SCARA5: variants seen among roughly 807,000 people sequenced by gnomAD.
SCARA5 encodes scavenger receptor class A member 5.
Under a neutral mutation model 46.3 loss-of-function variants are expected in SCARA5, and 45 were observed. That is an observed-to-expected ratio of 0.97 (90% CI 0.76 to 1.24). The LOEUF (loss-of-function observed/expected upper bound fraction) is 1.24, where lower values mean the gene tolerates loss of function less well. SCARA5 is among the 50% of genes most tolerant of loss of function. The probability of loss-of-function intolerance (pLI) is 0.00; values close to 1 mark genes in which losing one functional copy is unlikely to be tolerated. For synonymous variants in SCARA5, 333 were observed against 306.5 expected, an observed-to-expected ratio of 1.09 and a Z score of -0.90; for missense variants, 680 against 689.0, an observed-to-expected ratio of 0.99 and a Z score of 0.15.
intron 7 of SCARA5, among the ~76,000 whole-genome samples, chr8:27,880,009 T>C (rs1004981949): frequency 6.6e-6 from 1 of 152,036 alleles, no homozygotes; most frequent in Non-Finnish European, 1.5e-5. Flanking sequence ...CAGAGACCAA[T>C]GGAACAAAAT....
chr8:27,943,396 A>C (rs1413424556), intron 3 of SCARA5, among the ~76,000 whole-genome samples: 5 of 151,492 alleles, frequency 3.3e-5, no homozygotes, highest in Non-Finnish European at 7.4e-5. Context: ...TGAGCACTGC[A>C]CTCCAGCCTG....
chr8:27,952,891 A>T lies in SCARA5; in HGVS notation c.241+13523T>A, dbSNP rs116768175. Among the ~76,000 whole-genome samples the T allele has an allele frequency of 7.1e-3, 1,075 of 152,324 alleles. 12 individuals are homozygous for T. The highest frequency in any genetic ancestry group is 0.024 in the African/African-American group (996 of 41,576). On this transcript the variant is annotated intron_variant, in intron 3 of 8. Transcript: ENST00000354914. ...GCACAGGCCAAGCCAGGATAACAGAAGGGAGCCTTTTGTCAAAAGTCAGAA... is the reference window on the plus strand; with the variant it reads ...GCACAGGCCAAGCCAGGATAACAGATGGGAGCCTTTTGTCAAAAGTCAGAA...
rs565175753 is a variant in SCARA5, at chr8:27,921,494, T to G, written c.916+77A>C. ...GGGGTGGGGCTGGGGTACTCCTGGGTCCTTGGGGAGGGGCGTGCAGGAGGA... is the reference window on the plus strand; with the variant it reads ...GGGGTGGGGCTGGGGTACTCCTGGGGCCTTGGGGAGGGGCGTGCAGGAGGA... On this transcript the variant is annotated intron_variant, in intron 4 of 8. Coordinates refer to ENST00000354914, the MANE Select transcript of SCARA5 (RefSeq NM_173833.6). The G allele has an allele frequency of 2.2e-4, 286 of 1,292,136 alleles. 2 individuals carry two copies. Among genetic ancestry groups the G allele is most frequent in the Admixed American group, 1.4e-3 (51 of 37,150 alleles). 80.0% of individuals were successfully genotyped at this position (1,292,136 alleles called of 1,614,324 possible). A position where few individuals can be genotyped will look rare whatever the true frequency, so the allele number is the denominator to read the frequency against.
At chr8:27,902,640 A>G (rs1014380922) in intron 7 of SCARA5, among the ~76,000 whole-genome samples, 2 of 152,086 alleles carry the variant, frequency 1.3e-5, no homozygotes, top group African/African-American at 4.8e-5. Context: ...GCCCACCCCC[A>G]TCAGGAGTTG....
At chr8:27,880,940 A>G (rs1806801705) in intron 7 of SCARA5, among the ~76,000 whole-genome samples, 3 of 152,144 alleles carry the variant, frequency 2.0e-5, no homozygotes, top group Non-Finnish European at 2.9e-5. Flanking sequence ...GCAAACATGA[A>G]AAAATGCTCA....
Position 27,904,408 on chromosome 8 carries a change from C to A in SCARA5, c.1153+370G>T, listed in dbSNP as rs567656145. On this transcript the variant is annotated intron_variant, in intron 7 of 8. Transcript: ENST00000354914. ...CCAGCATGATCATAAGCACTTTACACAGATTAACTCATTCAATTTTCACAA... is the reference window on the plus strand; with the variant it reads ...CCAGCATGATCATAAGCACTTTACAAAGATTAACTCATTCAATTTTCACAA... The A allele has an allele frequency of 1.3e-4, 55 of 422,914 alleles. 1 individual carries two copies. In the South Asian group the frequency reaches 3.6e-3, roughly 28 times the overall value. The allele number at this position is 422,914 out of a possible 1,614,324, so 26.2% of individuals were successfully genotyped here.
intron 7 of SCARA5, among the ~76,000 whole-genome samples, chr8:27,897,113 G>A (rs1399499225): frequency 1.3e-5 from 2 of 151,782 alleles, no homozygotes; most frequent in East Asian, 3.9e-4. Flanking sequence ...AAAAAGAAGA[G>A]GCTGAAATCC....
At chr8:27,989,633 A>G (rs2129992314) in intron 1 of SCARA5, among the ~76,000 whole-genome samples, 1 of 152,318 alleles carries the variant, frequency 6.6e-6, no homozygotes. Flanking sequence ...GGCTCCCAGT[A>G]TCTGCGGGCC....
chr8:27,944,276 G>A (rs1807998181), intron 3 of SCARA5, among the ~76,000 whole-genome samples: 1 of 152,170 alleles, frequency 6.6e-6, no homozygotes, highest in Admixed American at 6.5e-5. Flanking sequence ...ATTAAATATG[G>A]ATATACTGTA....
At chr8:27,944,661 A>C (rs946583215) in intron 3 of SCARA5, among the ~76,000 whole-genome samples, 5 of 151,368 alleles carry the variant, frequency 3.3e-5, no homozygotes, top group Non-Finnish European at 7.4e-5. Context: ...CAGGAGTTTG[A>C]GACCAGCCTG....
chr8:27,889,117 C>G (rs1489440426), intron 7 of SCARA5, among the ~76,000 whole-genome samples: 1 of 152,078 alleles, frequency 6.6e-6, no homozygotes, highest in Non-Finnish European at 1.5e-5. Context: ...CTACAGGCCC[C>G]AAATCTCTCA....
chr8:27,985,298 G>C (rs1424206030), intron 2 of SCARA5, among the ~76,000 whole-genome samples: 2 of 152,036 alleles, frequency 1.3e-5, no homozygotes, highest in South Asian at 2.1e-4. Flanking sequence ...GTGGGAGGGG[G>C]CAGTAATGCA....
At chr8:27,908,389 G>T (rs907506540) in intron 5 of SCARA5, among the ~76,000 whole-genome samples, 3 of 152,202 alleles carry the variant, frequency 2.0e-5, no homozygotes, top group African/African-American at 7.2e-5. Context: ...GTCCTTGACC[G>T]AGTGAGAGCC....
intron 3 of SCARA5, among the ~76,000 whole-genome samples, chr8:27,947,431 T>G (rs1362360260): frequency 6.6e-6 from 1 of 152,196 alleles, no homozygotes; most frequent in Non-Finnish European, 1.5e-5. Flanking sequence ...AACACCCATG[T>G]TCATAGCAGT....
chr8:27,933,049 G>A (rs976756784), intron 3 of SCARA5, among the ~76,000 whole-genome samples: 22 of 152,322 alleles, frequency 1.4e-4, no homozygotes, highest in Non-Finnish European at 3.1e-4. Context: ...CACATTGGGG[G>A]TTAGGGATTC....
At chr8:27,874,917 G>A (rs889181282) in intron 8 of SCARA5, among the ~76,000 whole-genome samples, 14 of 152,066 alleles carry the variant, frequency 9.2e-5, no homozygotes, top group African/African-American at 2.4e-4. Flanking sequence ...CATCACTCCA[G>A]CACCTCCTGG....
intron 3 of SCARA5, among the ~76,000 whole-genome samples, chr8:27,934,963 C>A (rs1041016245): frequency 7.2e-5 from 11 of 152,226 alleles, no homozygotes; most frequent in African/African-American, 2.7e-4. Flanking sequence ...TTCCATCATA[C>A]TTTGTCCAGT....
At chr8:27,957,704 C>T (rs931984577) in intron 3 of SCARA5, among the ~76,000 whole-genome samples, 1 of 152,224 alleles carries the variant, frequency 6.6e-6, no homozygotes, top group Non-Finnish European at 1.5e-5. Context: ...GTAGGCAATG[C>T]GTCTAAGTCT....
intron 3 of SCARA5, among the ~76,000 whole-genome samples, chr8:27,955,837 G>A (rs566053127): frequency 1.3e-5 from 2 of 152,332 alleles, no homozygotes; most frequent in African/African-American, 2.4e-5. Context: ...GTCGACGACT[G>A]GAGGGGTGCA....
Sources: gnomAD v4.1 joint callset for allele counts (sites outside exome capture counted in the v4.1 genomes callset) on GRCh38, gnomAD v4.1.1 for gene constraint, MANE v1.5 for transcripts, NCBI Gene and HGNC (gene_info 2026-07-23, HGNC 2026-07-21) for gene names.